Variants in CALN1 observed in about 807,000 individuals in gnomAD.
CALN1 encodes the protein calcium-binding protein 8.
Under a neutral mutation model 30.6 loss-of-function variants are expected in CALN1, and 17 were observed. The ratio of observed to expected loss-of-function variants is 0.56; its 90% confidence interval spans 0.38 to 0.83. The LOEUF (loss-of-function observed/expected upper bound fraction) is 0.83. CALN1 is among the 40% of genes least tolerant of loss of function. The pLI is 0.00. For missense variants in CALN1, 291 were observed against 354.9 expected, an observed-to-expected ratio of 0.82 and a Z score of 1.45; for synonymous variants, 156 against 131.4, an observed-to-expected ratio of 1.19 and a Z score of -1.28.
At chr7:71,938,756 C>T (rs1795973728) in intron 5 of CALN1, among the ~76,000 whole-genome samples, 1 of 152,098 alleles carries the variant, frequency 6.6e-6, no homozygotes, top group Non-Finnish European at 1.5e-5. Flanking sequence ...GATGGCGCCA[C>T]TCCAGCCTGG....
In CALN1 at chr7:72,412,164, C is replaced by G. The variant is rs901560618; in HGVS notation, c.-180G>C. 4 of 152,578 alleles carry G rather than the reference C, an allele frequency of 2.6e-5. No homozygotes were observed. Among genetic ancestry groups the G allele is most frequent in the African/African-American group, 9.7e-5 (4 of 41,220 alleles). The allele number at this position is 152,578 out of a possible 1,614,324, so 9.5% of individuals were successfully genotyped here. A position where few individuals can be genotyped will look rare whatever the true frequency, so the allele number is the denominator to read the frequency against. On this transcript the variant is annotated 5_prime_UTR_variant, in exon 1 of 7. Coordinates refer to ENST00000395275, the MANE Select transcript of CALN1 (RefSeq NM_031468.4). The stretch of plus-strand genomic sequence containing the variant: ...TTACAGCTCTTAAAGATGGCGCGTC[C>G]GGAGTCGTCTGCTCCTCCCGGTGGG...
chr7:72,411,493 AATTT>A (rs199911310), intron 1 of CALN1, among the ~76,000 whole-genome samples: 187 of 146,864 alleles, frequency 1.3e-3, no homozygotes, highest in African/African-American at 3.6e-3. Context: ...CTGTGAACTC[AATTT>A]ATTTTTGTCT....
At chr7:72,082,696 C>T (rs572205726) in intron 4 of CALN1, among the ~76,000 whole-genome samples, 66 of 152,254 alleles carry the variant, frequency 4.3e-4, no homozygotes, top group African/African-American at 1.5e-3. Context: ...ATGTTACCCT[C>T]GAAATCTTTG....
In CALN1 at chr7:72,313,888, TG is replaced by T. The variant is rs139211067; in HGVS notation, c.120-35079del. ...GAAGGGAGAGATTTCAAAGGAGATG[TG>T]GAAGGCACAAAGAAGAGGGAATGGT... On this transcript the variant is annotated intron_variant, in intron 2 of 6. Coordinates refer to ENST00000395275, the MANE Select transcript of CALN1 (RefSeq NM_031468.4). 4.2e-3 allele frequency among the ~76,000 whole-genome samples: 642 copies of T among 152,202 alleles called. 8 individuals are homozygous for T. Among genetic ancestry groups the T allele is most frequent in the African/African-American group, 0.015 (616 of 41,536 alleles).
intron 5 of CALN1, among the ~76,000 whole-genome samples, chr7:71,971,837 GCA>G (rs1412213295): frequency 2.7e-5 from 4 of 149,414 alleles, no homozygotes; most frequent in Admixed American, 6.8e-5. Context: ...GGCTGAGGCT[GCA>G]TTGAGCTGTG....
intron 5 of CALN1, among the ~76,000 whole-genome samples, chr7:71,829,066 A>AC (rs1304516084): frequency 1.3e-5 from 2 of 151,514 alleles, no homozygotes; most frequent in Non-Finnish European, 2.9e-5. Context: ...TTGATATCTC[A>AC]CCTCCCTAAA....
At chr7:72,129,605 T>G (rs1204292110) in intron 3 of CALN1, among the ~76,000 whole-genome samples, 1 of 152,186 alleles carries the variant, frequency 6.6e-6, no homozygotes, top group Non-Finnish European at 1.5e-5. Flanking sequence ...GACGAAATGA[T>G]ATAATGTCTG....
At chr7:71,848,316 A>G (rs1790438994) in intron 5 of CALN1, among the ~76,000 whole-genome samples, 1 of 152,184 alleles carries the variant, frequency 6.6e-6, no homozygotes, top group Non-Finnish European at 1.5e-5. Flanking sequence ...TGATGCTCAC[A>G]CCCGTATTTA....
intron 3 of CALN1, among the ~76,000 whole-genome samples, chr7:72,122,835 T>G (rs1808487359): frequency 6.6e-6 from 1 of 152,144 alleles, no homozygotes; most frequent in South Asian, 2.1e-4. Context: ...GCATTCTAGG[T>G]GCTAAGACCA....
At chr7:72,380,705 T>TAGA (rs1554394751) in intron 2 of CALN1, among the ~76,000 whole-genome samples, 3,663 of 114,540 alleles carry the variant, frequency 0.032, 55 homozygotes, top group Middle Eastern at 0.06. Context: ...ATACATTAGA[T>TAGA]TAGATAGATA....
intron 3 of CALN1, among the ~76,000 whole-genome samples, chr7:72,180,942 A>G (rs1044797032): frequency 3.9e-5 from 6 of 151,930 alleles, no homozygotes; most frequent in Non-Finnish European, 5.9e-5. Flanking sequence ...TTCTAAAAAT[A>G]CAAAAAATTA....
chr7:72,229,893 A>C (rs970927071), intron 3 of CALN1, among the ~76,000 whole-genome samples: 1 of 151,944 alleles, frequency 6.6e-6, no homozygotes, highest in Non-Finnish European at 1.5e-5. Flanking sequence ...CTGTAATCTC[A>C]GCACTTTGGG....
intron 1 of CALN1, among the ~76,000 whole-genome samples, chr7:72,433,906 T>A (rs2129564111): frequency 6.6e-6 from 1 of 151,072 alleles, no homozygotes; most frequent in Admixed American, 6.6e-5. Context: ...ATAATAATAA[T>A]AATTAGCCAG....
intron 4 of CALN1, among the ~76,000 whole-genome samples, chr7:72,040,403 T>G (rs1484855531): frequency 6.6e-6 from 1 of 151,938 alleles, no homozygotes. Flanking sequence ...GAAGATCGCT[T>G]GATCCTGGGA....
the CALN1 span, among the ~76,000 whole-genome samples, chr7:72,494,126 G>A: frequency 6.6e-6 from 1 of 152,118 alleles, no homozygotes; most frequent in African/African-American, 2.4e-5. Context: ...GGGGTTCAAG[G>A]CTGCAGTGAG....
intron 2 of CALN1, among the ~76,000 whole-genome samples, chr7:72,397,249 G>A (rs939023664): frequency 1.3e-5 from 2 of 152,138 alleles, no homozygotes; most frequent in African/African-American, 2.4e-5. Flanking sequence ...ACATACTGAA[G>A]CAGAAGTAAC....
chr7:72,375,133 C>T lies in CALN1; in HGVS notation c.119+28118G>A, dbSNP rs890412349. Among the ~76,000 whole-genome samples, 6 of 152,252 alleles carry T rather than the reference C, an allele frequency of 3.9e-5. No homozygotes were observed. The East Asian group carries it at 7.7e-4, about 20-fold the overall frequency. ...CATAAAAAATTACCACCATCAGTGG[C>T]TTAAACACGCATTGTCTTGTAGTTT... On this transcript the variant is annotated intron_variant, in intron 2 of 6. Coordinates refer to ENST00000395275, the MANE Select transcript of CALN1 (RefSeq NM_031468.4).
intron 5 of CALN1, among the ~76,000 whole-genome samples, chr7:71,995,932 C>T (rs1799229537): frequency 6.6e-6 from 1 of 152,104 alleles, no homozygotes; most frequent in South Asian, 2.1e-4. Flanking sequence ...CTTAGGAAGC[C>T]TCCTTGTTCC....
chr7:72,334,750 G>A lies in CALN1; in HGVS notation c.120-55940C>T, dbSNP rs145757351. On this transcript the variant is annotated intron_variant, in intron 2 of 6. Coordinates refer to ENST00000395275, the MANE Select transcript of CALN1 (RefSeq NM_031468.4). The stretch of plus-strand genomic sequence containing the variant: ...TTTAGCTCTCCTCCAATAAAATATC[G>A]TGAGGATTGGATTTCCAAAGAGTTT... Among the ~76,000 whole-genome samples, 716 of 152,330 alleles carry A rather than the reference G, an allele frequency of 4.7e-3. 5 individuals are homozygous for A. Among genetic ancestry groups the A allele is most frequent in the African/African-American group, 0.016 (685 of 41,572 alleles).
Sources: allele counts gnomAD v4.1 joint callset (sites outside exome capture counted in the v4.1 genomes callset), GRCh38; gene constraint gnomAD v4.1.1; transcripts MANE v1.5; gene names NCBI Gene and HGNC (gene_info 2026-07-23, HGNC 2026-07-21).